NFIA: variants seen among roughly 807,000 people sequenced by gnomAD.
NFIA encodes the protein nuclear factor 1 A-type.
A neutral mutation model predicts 62.8 loss-of-function variants in NFIA; 8 were observed. The ratio of observed to expected loss-of-function variants is 0.13; its 90% confidence interval spans 0.07 to 0.23. The LOEUF is 0.23. NFIA is among the 10% of genes least tolerant of loss of function. The pLI is 1.00. For missense variants in NFIA, 410 were observed against 642.1 expected, an observed-to-expected ratio of 0.64 and a Z score of 3.91; for synonymous variants, 235 against 238.1, an observed-to-expected ratio of 0.99 and a Z score of 0.12.
chr1:61,219,155 CCA>C (rs1653841126), intron 2 of NFIA, among the ~76,000 whole-genome samples: 2 of 151,158 alleles, frequency 1.3e-5, no homozygotes, highest in Non-Finnish European at 2.9e-5. Context: ...TCACTTGAAC[CCA>C]CAGGGCAGAG....
chr1:61,435,023 G>C (rs1018488948), intron 10 of NFIA, among the ~76,000 whole-genome samples: 1 of 152,152 alleles, frequency 6.6e-6, no homozygotes, highest in Non-Finnish European at 1.5e-5. Context: ...GCCATGCATG[G>C]AACTTAGAAA....
intron 3 of NFIA, among the ~76,000 whole-genome samples, chr1:61,323,256 G>A (rs1044411261): frequency 2.0e-5 from 3 of 152,156 alleles, no homozygotes; most frequent in Non-Finnish European, 2.9e-5. Flanking sequence ...GTATTCATCT[G>A]AGAATCTCAA....
In NFIA at chr1:61,082,675, TC is replaced by T; in HGVS notation, c.-116del. On this transcript the variant is annotated 5_prime_UTR_variant, in exon 1 of 11. Coordinates refer to ENST00000403491, the MANE Select transcript of NFIA (RefSeq NM_001134673.4). ...CTTGATTTTTTTTTCTCCCCCCTTC[TC>T]TCTCTCTCTCTCTCTCTCTCTTCCT... The T allele has an allele frequency of 9.7e-7, 1 of 1,025,940 alleles. No homozygotes were observed. Among genetic ancestry groups the T allele is most frequent in the Non-Finnish European group, 1.3e-6 (1 of 759,400 alleles). The allele number at this position is 1,025,940 out of a possible 1,614,324, so 63.6% of individuals were successfully genotyped here.
At chr1:61,352,674 A>G (rs926897780) in intron 5 of NFIA, 107 bp downstream of exon 5, 1 of 909,016 alleles carries the variant, frequency 1.1e-6, no homozygotes, top group South Asian at 1.4e-5. Context: ...GTAATAGAAG[A>G]TAACAAAGTA....
chr1:61,419,465 A>G (rs1404090708), intron 9 of NFIA, among the ~76,000 whole-genome samples: 1 of 152,042 alleles, frequency 6.6e-6, no homozygotes, highest in Non-Finnish European at 1.5e-5. Flanking sequence ...TACAGGAAAC[A>G]CTCACTGCAC....
chr1:61,299,608 C>G (rs1409226666), intron 3 of NFIA, among the ~76,000 whole-genome samples: 1 of 152,120 alleles, frequency 6.6e-6, no homozygotes, highest in Non-Finnish European at 1.5e-5. Context: ...TCAAACAGTC[C>G]AAATGGAAAA....
chr1:61,267,138 G>A lies in NFIA; in HGVS notation c.560-10382G>A, dbSNP rs184551914. ...ATTTCTATTAAAGGGAGGATACCAG[G>A]CCTAATTCAGAATAACATTCTGTAC... is the stretch of plus-strand genomic sequence containing the variant. On this transcript the variant is annotated intron_variant, in intron 2 of 10. Transcript: ENST00000403491. 7.2e-5 allele frequency among the ~76,000 whole-genome samples: 11 copies of A among 152,250 alleles called. No individual in the cohort carries two copies. In the East Asian group the frequency reaches 7.7e-4, roughly 11 times the overall value.
chr1:61,305,509 T>TGG (rs751109217), intron 3 of NFIA, among the ~76,000 whole-genome samples: 11 of 152,174 alleles, frequency 7.2e-5, no homozygotes, highest in Non-Finnish European at 1.3e-4. Context: ...TACATAGCTG[T>TGG]GGTGGTTTTG....
intron 7 of NFIA, among the ~76,000 whole-genome samples, chr1:61,390,864 CAAAT>C (rs1426250310): frequency 6.6e-6 from 1 of 152,072 alleles, no homozygotes. Context: ...AAATAATTGT[CAAAT>C]AAATGAATGA....
intron 2 of NFIA, among the ~76,000 whole-genome samples, chr1:61,232,725 CAGTTTAGTTT>C (rs779223670): frequency 1.3e-4 from 19 of 151,990 alleles, no homozygotes; most frequent in Admixed American, 3.3e-4. Context: ...TCTTCCTTTC[CAGTTTAGTTT>C]AGTTTTTCCT....
At chr1:61,172,056 T>C (rs1194390268) in intron 2 of NFIA, among the ~76,000 whole-genome samples, 1 of 152,162 alleles carries the variant, frequency 6.6e-6, no homozygotes, top group Non-Finnish European at 1.5e-5. Context: ...TATGGATCTT[T>C]CTAGAAATTA....
intron 2 of NFIA, among the ~76,000 whole-genome samples, chr1:61,243,599 G>T (rs144697195): frequency 1.3e-5 from 2 of 151,894 alleles, no homozygotes; most frequent in African/African-American, 4.8e-5. Context: ...GATGACTAAC[G>T]TTGTTGTAGC....
chr1:61,383,960 T>C (rs1184557439), intron 7 of NFIA, among the ~76,000 whole-genome samples: 1 of 152,262 alleles, frequency 6.6e-6, no homozygotes, highest in Non-Finnish European at 1.5e-5. Flanking sequence ...TTGTCTCATA[T>C]GCTTTTAAGT....
At chr1:61,188,775 A>G (rs1208649504) in intron 2 of NFIA, among the ~76,000 whole-genome samples, 1 of 152,102 alleles carries the variant, frequency 6.6e-6, no homozygotes, top group African/African-American at 2.4e-5. Context: ...TTTACTCTTA[A>G]CTGTTGCTAC....
At chr1:61,265,773 C>A (rs879567225) in intron 2 of NFIA, among the ~76,000 whole-genome samples, 3 of 152,046 alleles carry the variant, frequency 2.0e-5, no homozygotes, top group Non-Finnish European at 4.4e-5. Context: ...CTGGAAGACC[C>A]GATGGGTCAA....
At chr1:61,337,585 A>T (rs963707207) in intron 4 of NFIA, among the ~76,000 whole-genome samples, 7 of 152,206 alleles carry the variant, frequency 4.6e-5, no homozygotes, top group Admixed American at 4.6e-4. Context: ...ACAAGTGTTA[A>T]CAATGTGGTT....
chr1:61,393,252 T>C (rs1051301808), intron 7 of NFIA, among the ~76,000 whole-genome samples: 2 of 54,714 alleles, frequency 3.7e-5, no homozygotes, highest in Non-Finnish European at 5.9e-5. Flanking sequence ...TCCCTCTCTC[T>C]CTCTCTCTCT....
chr1:61,182,953 C>A (rs1650855474), intron 2 of NFIA, among the ~76,000 whole-genome samples: 1 of 152,202 alleles, frequency 6.6e-6, no homozygotes, highest in African/African-American at 2.4e-5. Context: ...TTAGCATTAA[C>A]TATACTTGCA....
At chr1:61,303,062 G>T (rs1659574517) in intron 3 of NFIA, among the ~76,000 whole-genome samples, 1 of 152,090 alleles carries the variant, frequency 6.6e-6, no homozygotes, top group Admixed American at 6.6e-5. Flanking sequence ...TATTTTGAGG[G>T]TCACAATTGC....
Sources: allele counts gnomAD v4.1 joint callset (sites outside exome capture counted in the v4.1 genomes callset), GRCh38; gene constraint gnomAD v4.1.1; transcripts MANE v1.5; gene names NCBI Gene and HGNC (gene_info 2026-07-23, HGNC 2026-07-21).